ITIH1: variants seen among roughly 807,000 people sequenced by gnomAD.
ITIH1 encodes the protein inter-alpha-trypsin inhibitor heavy chain H1.
Under a neutral mutation model 104.6 loss-of-function variants are expected in ITIH1, and 94 were observed. The observed-to-expected ratio is 0.90, with a 90% CI of 0.76 to 1.07. The LOEUF (loss-of-function observed/expected upper bound fraction) is 1.07. ITIH1 is among the 50% of genes least tolerant of loss of function. ITIH1 has a pLI of 0.00. For missense variants in ITIH1, 1,193 were observed against 1,181.4 expected (o/e 1.01, Z -0.14); for synonymous variants, 455 against 464.4 (o/e 0.98, Z 0.26).
intron 5 of ITIH1, 93 bp from the exon 6 acceptor site, chr3:52,780,176 G>C: frequency 9.3e-7 from 1 of 1,076,156 alleles, no homozygotes; most frequent in Non-Finnish European, 1.4e-6. Flanking sequence ...GAGGCAGGAG[G>C]ACGGCTTGAG....
chr3:52,785,167 G>C lies in ITIH1; in HGVS notation c.1531G>C (p.Val511Leu). Residue 511 changes from valine to leucine, a missense_variant, in exon 12 of 22, where the codon GTG (valine) becomes CTG (leucine). By Grantham distance (32) the Val-to-Leu change is conservative (BLOSUM62 1). Coordinates refer to ENST00000273283, the MANE Select transcript of ITIH1 (RefSeq NM_002215.4). ...GTACTACGAAGGCTCAGAGATTGTG[G>C]TGGCCGGGCGCATTGCTGACAACAA... ...KQYYEGSEIVVAGRIADNKQS... is the reference protein window; with the variant it reads ...KQYYEGSEIVLAGRIADNKQS... 3 of 1,614,156 alleles carry C rather than the reference G, an allele frequency of 1.9e-6. No homozygotes were observed. Among genetic ancestry groups the C allele is most frequent in the Non-Finnish European group, 2.5e-6 (3 of 1,180,022 alleles).
In ITIH1 at chr3:52,785,051, A is replaced by G. The variant is rs1171103566; in HGVS notation, c.1415A>G (p.Tyr472Cys). 1 of 1,613,854 alleles carries G rather than the reference A, an allele frequency of 6.2e-7. No homozygotes were observed. The highest frequency in any genetic ancestry group is 8.5e-7 in the Non-Finnish European group (1 of 1,179,920). The change falls in exon 12 of 22, where the codon TAC (tyrosine) becomes TGC (cysteine). Residue 472 changes from tyrosine (Y) to cysteine (C), a missense_variant. Transcript: ENST00000273283. The part of the protein sequence containing the change: ...HDATQQLQGF[Y>C]SQVAKPLLVD... ...CAACCTCTATCCCTGCAGGGTTTCT[A>G]CAGCCAGGTAGCCAAACCCCTGCTG...
chr3:52,784,176 G>A, intron 10 of ITIH1, 120 bp from the exon 11 acceptor site: 1 of 855,502 alleles, frequency 1.2e-6, no homozygotes, highest in South Asian at 1.8e-5. Context: ...GGATGCCCAG[G>A]AGCCTGGAGA....
chr3:52,779,161 C>A lies in ITIH1; in HGVS notation c.410+115C>A. The A allele has an allele frequency of 1.2e-6, 1 of 805,746 alleles. No individual in the cohort carries two copies. 49.9% of individuals were successfully genotyped at this position (805,746 alleles called of 1,614,324 possible). ...CAGCCCAGGATGATGGAAGGGTAAG[C>A]AAACTGCCCAAACCCAGATGCCAGC... On this transcript the variant is annotated intron_variant, in intron 4 of 21. Transcript: ENST00000273283. This position sits in a 1 kb window ranked among gnomAD's most constrained non-coding sequence, Gnocchi z 4.4.
intron 20 of ITIH1, 131 bp from the exon 21 acceptor site, chr3:52,791,386 T>A: frequency 1.5e-6 from 1 of 654,840 alleles, no homozygotes; most frequent in South Asian, 1.8e-5. Flanking sequence ...CTGGGACTGT[T>A]AGCAGAAACA....
Position 52,788,294 on chromosome 3 carries a change from A to T in ITIH1, c.2068A>T (p.Ile690Phe). 6.2e-7 allele frequency: 1 copy of T among 1,611,724 alleles called. No homozygotes were observed. Among genetic ancestry groups the T allele is most frequent in the Non-Finnish European group, 8.5e-7 (1 of 1,179,034 alleles). The stretch of plus-strand genomic sequence containing the variant: ...GAAAGAGGACACCCTGTGCTTCAAC[A>T]TCAATGAGGAGCCTGGTGTTATCCT... ...PQKEDTLCFNINEEPGVILSL... is the reference protein window; with the variant it reads ...PQKEDTLCFNFNEEPGVILSL... The change falls in exon 18 of 22, where the codon ATC becomes TTC. Residue 690 changes from isoleucine to phenylalanine, a missense_variant. Transcript: ENST00000273283.
At chr3:52,782,362 T>C (rs1699082084) in intron 8 of ITIH1, 95 bp downstream of exon 8, 2 of 945,074 alleles carry the variant, frequency 2.1e-6, no homozygotes, top group Non-Finnish European at 3.4e-6. Flanking sequence ...TGGTTTGGGA[T>C]TTATCCTCCT....
In ITIH1 at chr3:52,777,609, T is replaced by C. The variant is rs766901939; in HGVS notation, c.-7T>C. 1.9e-6 allele frequency: 3 copies of C among 1,559,042 alleles called. No homozygotes were observed. The highest frequency in any genetic ancestry group is 1.7e-6 in the Non-Finnish European group (2 of 1,155,096). On this transcript the variant is annotated 5_prime_UTR_variant, in exon 1 of 22. Transcript: ENST00000273283. ...CTGAGGTGACAGGGCAGCAGGAGCC[T>C]TAGAGCATGGACGGTGCCATGGGGC...
At chr3:52,787,798 A>G (rs945481238) in intron 16 of ITIH1, 186 bp downstream of exon 16, 20 of 905,892 alleles carry the variant, frequency 2.2e-5, no homozygotes, top group Admixed American at 5.4e-5. Context: ...GGGCCAGCTA[A>G]ACATGCCAGG....
In ITIH1 at chr3:52,781,932, G is replaced by A. The variant is rs1476527522; in HGVS notation, c.688-8G>A. 1.1e-5 allele frequency: 17 copies of A among 1,613,822 alleles called. No individual in the cohort carries two copies. The highest frequency in any genetic ancestry group is 2.2e-5 in the East Asian group (1 of 44,890). On this transcript the variant is annotated splice_polypyrimidine_tract_variant and splice_region_variant and intron_variant, in intron 6 of 21. Coordinates refer to ENST00000273283, the MANE Select transcript of ITIH1 (RefSeq NM_002215.4). ...ACCAGTAATGGCTCACACTCTCGAC[G>A]GTTCCAGGGTCATGTGCTGTTCCGT...
rs1246739175 is a variant in ITIH1, at chr3:52,789,114, G to A, written c.2120-539G>A. 2.0e-5 allele frequency among the ~76,000 whole-genome samples: 3 copies of A among 152,150 alleles called. No individual in the cohort carries two copies. The East Asian group carries it at 5.8e-4, about 29-fold the overall frequency. On this transcript the variant is annotated intron_variant, in intron 18 of 21. Transcript: ENST00000273283. ...CCAGTTAGTCCATCTGCAAGTGTTT[G>A]TTGTGCACCAACGAGGGGCTGGGAA...
chr3:52,780,448 T>C (rs1699006450), intron 6 of ITIH1, 66 bp downstream of exon 6: 1 of 1,111,352 alleles, frequency 9.0e-7, no homozygotes, highest in Non-Finnish European at 1.3e-6. Context: ...CCACCCCTTA[T>C]GGAATGTCCA....
In ITIH1 at chr3:52,783,251, G is replaced by A; in HGVS notation, c.1137G>A (p.Glu379=). Residue 379 remains glutamate (E), a synonymous_variant, in exon 10 of 22, where the codon GAG becomes GAA. Transcript: ENST00000273283. ...NLNGGLLRGI[E]ILNQVQESLP... ...ATGGAGGTTTGCTCCGGGGAATTGA[G>A]ATCTTGAACCAAGTTCAGGAAAGCC... 2 of 1,614,138 alleles carry A rather than the reference G, an allele frequency of 1.2e-6. No individual in the cohort carries two copies. Among genetic ancestry groups the A allele is most frequent in the Non-Finnish European group, 1.7e-6 (2 of 1,180,028 alleles).
chr3:52,778,869 A>G lies in ITIH1; in HGVS notation c.306-73A>G, dbSNP rs1698970189. 9 of 1,202,978 alleles carry G rather than the reference A, an allele frequency of 7.5e-6. No individual in the cohort carries two copies. In the East Asian group the frequency reaches 9.3e-5, roughly 12 times the overall value. The allele number at this position is 1,202,978 out of a possible 1,614,324, so 74.5% of individuals were successfully genotyped here. A position where few individuals can be genotyped will look rare whatever the true frequency, so the allele number is the denominator to read the frequency against. ...GAGACGTCCTTATCCAAGGGCTCAC[A>G]TGGACAGGCCCTCTCAGGACCTGTG... On this transcript the variant is annotated intron_variant, in intron 3 of 21. Coordinates refer to ENST00000273283, the MANE Select transcript of ITIH1 (RefSeq NM_002215.4).
rs895828260 is a variant in ITIH1, at chr3:52,778,041, G to C, written c.138+24G>C. 3 of 1,613,832 alleles carry C rather than the reference G, an allele frequency of 1.9e-6. No individual in the cohort carries two copies. The African/African-American group carries it at 4.0e-5, about 22-fold the overall frequency. ...CCGTGAGTAAGAGTCCTGGCAAAGGGGTCTGTGACAGAGCCCTTTTTACAG... is the reference window on the plus strand; with the variant it reads ...CCGTGAGTAAGAGTCCTGGCAAAGGCGTCTGTGACAGAGCCCTTTTTACAG... On this transcript the variant is annotated intron_variant, in intron 2 of 21. Coordinates refer to ENST00000273283, the MANE Select transcript of ITIH1 (RefSeq NM_002215.4).
chr3:52,787,488 G>T, intron 15 of ITIH1, 104 bp from the exon 16 acceptor site: 1 of 1,405,304 alleles, frequency 7.1e-7, no homozygotes, highest in South Asian at 1.2e-5. Context: ...GAGACCCCCA[G>T]AGGGACGGCT....
rs776201371 is a variant in ITIH1 at position 52,791,938 on chromosome 3, C to G, written c.*27C>G. 2 of 1,598,250 alleles carry G rather than the reference C, an allele frequency of 1.3e-6. No individual in the cohort carries two copies. Among genetic ancestry groups the G allele is most frequent in the Non-Finnish European group, 1.7e-6 (2 of 1,171,198 alleles). ...CCCTCTGGCCAGCACGCCTGTCCTC[C>G]CCCGGGGCCAAGGCAGAGGAGGAGG... On this transcript the variant is annotated 3_prime_UTR_variant, in exon 22 of 22. Transcript: ENST00000273283.
At chr3:52,778,072 CT>C in intron 2 of ITIH1, 55 bp downstream of exon 2, 1 of 1,594,344 alleles carries the variant, frequency 6.3e-7, no homozygotes, top group Non-Finnish European at 8.6e-7. Flanking sequence ...TACAGGCTTG[CT>C]TTCCCCAACC....
intron 11 of ITIH1, 42 bp downstream of exon 11, chr3:52,784,519 A>G (rs1699149700): frequency 1.3e-6 from 2 of 1,575,600 alleles, no homozygotes; most frequent in Non-Finnish European, 1.7e-6. Flanking sequence ...GGCATGCCAT[A>G]GGGAGCCCTG....
Sources: allele counts gnomAD v4.1 joint callset (sites outside exome capture counted in the v4.1 genomes callset), GRCh38; gene constraint gnomAD v4.1.1; non-coding constraint Gnocchi (gnomAD v3.1); transcripts MANE v1.5; gene names NCBI Gene and HGNC (gene_info 2026-07-23, HGNC 2026-07-21).